The following SLX4IP variants were observed in gnomAD, a reference collection of about 807,000 sequenced individuals.
SLX4IP encodes the protein SLX4 interacting protein.
SLX4IP carries 34 observed loss-of-function variants against 32.9 expected under a neutral mutation model. The ratio of observed to expected loss-of-function variants is 1.03; its 90% CI spans 0.79 to 1.38. The LOEUF (loss-of-function observed/expected upper bound fraction) is 1.38, where lower values mean the gene tolerates loss of function less well. SLX4IP is among the 40% of genes most tolerant of loss of function. The pLI, the probability that SLX4IP is intolerant of heterozygous loss-of-function variation, is 0.00. For synonymous variants in SLX4IP, 172 were observed against 171.7 expected, an observed-to-expected ratio of 1.00 and a Z score of -0.01; for missense variants, 444 against 479.0, an observed-to-expected ratio of 0.93 and a Z score of 0.68.
At chr20:10,494,388 ATATTAT>A (rs1363717608) in intron 2 of SLX4IP, among the ~76,000 whole-genome samples, 5 of 150,230 alleles carry the variant, frequency 3.3e-5, no homozygotes, top group African/African-American at 1.2e-4. Context: ...TATTATATTT[ATATTAT>A]TATAAGTTTC....
At chr20:10,588,675 T>A (rs531537453) in intron 4 of SLX4IP, among the ~76,000 whole-genome samples, 1 of 152,290 alleles carries the variant, frequency 6.6e-6, no homozygotes, top group African/African-American at 2.4e-5. Flanking sequence ...TACTGTGTGA[T>A]CTCACTTGTA....
At chr20:10,542,107 G>T (rs1199388041) in intron 2 of SLX4IP, among the ~76,000 whole-genome samples, 1 of 152,244 alleles carries the variant, frequency 6.6e-6, no homozygotes, top group Non-Finnish European at 1.5e-5. Context: ...CAAGCCAGCA[G>T]TCAATCCTTT....
chr20:10,559,242 CT>C (rs1285433495), intron 3 of SLX4IP, among the ~76,000 whole-genome samples: 2 of 152,072 alleles, frequency 1.3e-5, no homozygotes, highest in Non-Finnish European at 2.9e-5. Flanking sequence ...CATCTTTAGG[CT>C]GCAACATGAA....
chr20:10,507,306 G>A (rs2065767826), intron 2 of SLX4IP, among the ~76,000 whole-genome samples: 1 of 137,094 alleles, frequency 7.3e-6, no homozygotes, highest in South Asian at 2.3e-4. Context: ...CCCAGGCAGA[G>A]GAACAGCAGG....
intron 2 of SLX4IP, among the ~76,000 whole-genome samples, chr20:10,502,012 A>G (rs947491892): frequency 2.2e-4 from 33 of 152,232 alleles, no homozygotes; most frequent in African/African-American, 6.0e-4. Flanking sequence ...TTTAGTTTCA[A>G]TAAGCCAATT....
intron 6 of SLX4IP, chr20:10,613,607 T>C: frequency 1.2e-6 from 2 of 1,613,588 alleles, no homozygotes; most frequent in Admixed American, 1.7e-5. Context: ...CCAACTCCTT[T>C]CTGCTCATTT....
chr20:10,574,740 T>C (rs1469982436), intron 4 of SLX4IP, among the ~76,000 whole-genome samples: 1 of 152,112 alleles, frequency 6.6e-6, no homozygotes, highest in African/African-American at 2.4e-5. Context: ...TGGTGCAATC[T>C]CAGCTCACTG....
chr20:10,623,246 TCTC>T lies in SLX4IP; in HGVS notation c.1099_1101del (p.Ser367del), dbSNP rs754435337. The stretch of plus-strand genomic sequence containing the variant: ...GAAGAGTTGCATGTTTTGGAAAGTC[TCTC>T]CTCCAGACATCTTATGAAAAATAAC... On this transcript the variant is annotated inframe_deletion, in exon 8 of 8. Coordinates refer to ENST00000334534, the MANE Select transcript of SLX4IP (RefSeq NM_001009608.3). The T allele has an allele frequency of 2.5e-6, 4 of 1,614,008 alleles. No homozygotes were observed. The highest frequency in any genetic ancestry group is 3.4e-6 in the Non-Finnish European group (4 of 1,180,046).
chr20:10,536,584 C>T (rs1456764253), intron 2 of SLX4IP, among the ~76,000 whole-genome samples: 7 of 152,182 alleles, frequency 4.6e-5, no homozygotes, highest in East Asian at 1.9e-4. Context: ...CCTTGGCAAA[C>T]GTTACCTTGG....
intron 4 of SLX4IP, among the ~76,000 whole-genome samples, chr20:10,572,352 A>G (rs974643097): frequency 6.6e-6 from 1 of 152,174 alleles, no homozygotes; most frequent in Admixed American, 6.5e-5. Context: ...ATTTTCCTCT[A>G]ATCATAAAAA....
chr20:10,437,538 T>C (rs1264400774), intron 1 of SLX4IP, among the ~76,000 whole-genome samples: 1 of 152,222 alleles, frequency 6.6e-6, no homozygotes, highest in African/African-American at 2.4e-5. Context: ...TTGAAAACCA[T>C]GAAAAGATCT....
intron 2 of SLX4IP, among the ~76,000 whole-genome samples, chr20:10,553,201 A>G (rs750863950): frequency 2.1e-4 from 32 of 152,242 alleles, no homozygotes; most frequent in Non-Finnish European, 4.1e-4. Context: ...ATTAGAAATT[A>G]TAGCTCTTTT....
intron 4 of SLX4IP, among the ~76,000 whole-genome samples, chr20:10,578,482 T>C (rs1374559711): frequency 2.6e-5 from 4 of 152,382 alleles, no homozygotes; most frequent in Admixed American, 6.5e-5. Flanking sequence ...CATTCATCAA[T>C]TGATGGACAT....
intron 1 of SLX4IP, among the ~76,000 whole-genome samples, chr20:10,438,477 T>C (rs1013490908): frequency 6.9e-6 from 1 of 144,400 alleles, no homozygotes; most frequent in Non-Finnish European, 1.5e-5. Context: ...TGTGTGTTTT[T>C]TTTTTTTTTT....
At chr20:10,473,475 A>G (rs1250703128) in intron 2 of SLX4IP, among the ~76,000 whole-genome samples, 13 of 152,262 alleles carry the variant, frequency 8.5e-5, no homozygotes, top group Admixed American at 8.5e-4. Context: ...AGTAAGTGTT[A>G]GGCATTATTA....
intron 2 of SLX4IP, among the ~76,000 whole-genome samples, chr20:10,468,287 C>G (rs974442330): frequency 1.3e-5 from 2 of 152,178 alleles, no homozygotes; most frequent in African/African-American, 2.4e-5. Context: ...GTTTTTATGT[C>G]CATGTTAATC....
chr20:10,545,367 T>G (rs2066152241), intron 2 of SLX4IP, among the ~76,000 whole-genome samples: 1 of 152,154 alleles, frequency 6.6e-6, no homozygotes, highest in African/African-American at 2.4e-5. Flanking sequence ...CAATGCTGTT[T>G]TGTCTCCTGT....
At chr20:10,534,232 G>T (rs574050976) in intron 2 of SLX4IP, among the ~76,000 whole-genome samples, 2 of 152,182 alleles carry the variant, frequency 1.3e-5, no homozygotes, top group Non-Finnish European at 2.9e-5. Flanking sequence ...AGGAAGGAGT[G>T]TTGGCCCTGA....
intron 2 of SLX4IP, among the ~76,000 whole-genome samples, chr20:10,518,440 T>C (rs1222465793): frequency 1.4e-5 from 1 of 70,734 alleles, no homozygotes; most frequent in Non-Finnish European, 3.1e-5. Flanking sequence ...TCCCTCCTTC[T>C]TCCTTCCTTC....
Sources: gnomAD v4.1 joint callset for allele counts (sites outside exome capture counted in the v4.1 genomes callset) on GRCh38, gnomAD v4.1.1 for gene constraint, MANE v1.5 for transcripts, NCBI Gene and HGNC (gene_info 2026-07-23, HGNC 2026-07-21) for gene names.